The following LDLRAD4 variants were observed in gnomAD, a reference collection of about 807,000 sequenced individuals.
The protein encoded by LDLRAD4 is low-density lipoprotein receptor class A domain-containing protein 4.
LDLRAD4 carries 5 observed loss-of-function variants against 17.0 expected under a neutral mutation model. The observed-to-expected ratio is 0.29, with a 90% CI of 0.15 to 0.62. The LOEUF (loss-of-function observed/expected upper bound fraction) is 0.62, where lower values mean the gene tolerates loss of function less well. LDLRAD4 is among the 20% of genes least tolerant of loss of function. The probability of loss-of-function intolerance (pLI) is 0.84; values close to 1 mark genes in which losing one functional copy is unlikely to be tolerated. For synonymous variants in LDLRAD4, 168 were observed against 171.8 expected, an observed-to-expected ratio of 0.98 and a Z score of 0.17; for missense variants, 340 against 424.7, an observed-to-expected ratio of 0.80 and a Z score of 1.75.
At chr18:13,384,108 C>T (rs1034141633) in intron 1 of LDLRAD4, among the ~76,000 whole-genome samples, 4 of 152,156 alleles carry the variant, frequency 2.6e-5, no homozygotes, top group African/African-American at 9.7e-5. Flanking sequence ...CTATTACACA[C>T]CTGTGTCCAA....
chr18:13,225,110 A>G (rs112424833), intron 1 of LDLRAD4, among the ~76,000 whole-genome samples: 6,477 of 152,302 alleles, frequency 0.043, 295 homozygotes, highest in South Asian at 0.12. Flanking sequence ...TGCTGGGATT[A>G]CAGGTGTGAG....
chr18:13,651,751 A>C (rs2043255891), exon 6 of LDLRAD4: 1 of 152,168 alleles, frequency 6.6e-6, no homozygotes, highest in Non-Finnish European at 1.5e-5. Context: ...TGCCCATCTG[A>C]CCCATATTAT....
chr18:13,366,517 C>G (rs1323012910), intron 1 of LDLRAD4, among the ~76,000 whole-genome samples: 3 of 152,138 alleles, frequency 2.0e-5, no homozygotes, highest in Non-Finnish European at 4.4e-5. Context: ...ATTTCTCTGC[C>G]CTGAATTGAC....
intron 3 of LDLRAD4, chr18:13,611,798 G>A (rs960941831): frequency 3.0e-6 from 3 of 985,596 alleles, no homozygotes; most frequent in Non-Finnish European, 2.4e-6. Flanking sequence ...GAGCCGGGGG[G>A]AAAGGAGCGC....
At chr18:13,566,208 T>C (rs1335511915) in intron 3 of LDLRAD4, among the ~76,000 whole-genome samples, 3 of 152,052 alleles carry the variant, frequency 2.0e-5, no homozygotes, top group Non-Finnish European at 4.4e-5. Context: ...GGGGAGATAG[T>C]AGGGGAAAGG....
At chr18:13,303,786 C>T (rs2046746652) in intron 1 of LDLRAD4, among the ~76,000 whole-genome samples, 2 of 152,300 alleles carry the variant, frequency 1.3e-5, no homozygotes, top group Admixed American at 1.3e-4. Context: ...ATGGGAAGCC[C>T]ATGCATCTTT....
intron 4 of LDLRAD4, among the ~76,000 whole-genome samples, chr18:13,628,078 G>A (rs986411499): frequency 3.2e-4 from 48 of 152,250 alleles, no homozygotes; most frequent in African/African-American, 1.1e-3. Context: ...GAGGGCACAG[G>A]GAGCAGGGGT....
At chr18:13,364,935 T>C (rs2083945903) in intron 1 of LDLRAD4, among the ~76,000 whole-genome samples, 1 of 152,350 alleles carries the variant, frequency 6.6e-6, no homozygotes, top group East Asian at 1.9e-4. Context: ...GATAGTGTCC[T>C]TGTCTGTAAG....
chr18:13,549,877 A>C (rs2094412591), intron 3 of LDLRAD4, among the ~76,000 whole-genome samples: 1 of 152,142 alleles, frequency 6.6e-6, no homozygotes, highest in Non-Finnish European at 1.5e-5. Context: ...ACTAGGTTCA[A>C]ATTCAGGCAC....
chr18:13,646,069 T>G lies in LDLRAD4; in HGVS notation c.*412T>G, dbSNP rs114593035. On this transcript the variant is annotated 3_prime_UTR_variant, in exon 6 of 6. Coordinates refer to ENST00000359446, the Ensembl canonical transcript of LDLRAD4. ...TAAAGAAGGAAGCATTATTATATATTATTGTGGGGAAGAACCAGCCAGTTC... is the reference window on the plus strand; with the variant it reads ...TAAAGAAGGAAGCATTATTATATATGATTGTGGGGAAGAACCAGCCAGTTC... 1,274 of 156,530 alleles carry G rather than the reference T, an allele frequency of 8.1e-3. 22 individuals carry two copies. Among genetic ancestry groups the G allele is most frequent in the African/African-American group, 0.029 (1,225 of 41,756 alleles). The allele number at this position is 156,530 out of a possible 1,614,324, so 9.7% of individuals were successfully genotyped here.
chr18:13,544,006 G>A (rs987584909), intron 3 of LDLRAD4, among the ~76,000 whole-genome samples: 1 of 152,246 alleles, frequency 6.6e-6, no homozygotes, highest in African/African-American at 2.4e-5. Flanking sequence ...ACGTGCATAC[G>A]TGTGGACGTG....
intron 1 of LDLRAD4, among the ~76,000 whole-genome samples, chr18:13,255,716 G>T (rs1236049099): frequency 6.6e-6 from 1 of 152,142 alleles, no homozygotes; most frequent in Non-Finnish European, 1.5e-5. Context: ...TTGCAGCGTT[G>T]AGGCCCTAGG....
At chr18:13,390,682 G>A (rs1467462200) in intron 2 of LDLRAD4, among the ~76,000 whole-genome samples, 1 of 152,138 alleles carries the variant, frequency 6.6e-6, no homozygotes, top group African/African-American at 2.4e-5. Context: ...CCTGACTTGT[G>A]CCATTCCTTC....
At position 13,243,496 on chromosome 18, in the gene LDLRAD4, G is replaced by A. The variant is rs141367956; in HGVS notation, c.-467+24508G>A. Among the ~76,000 whole-genome samples the A allele has an allele frequency of 2.0e-4, 28 of 138,124 alleles. No individual in the cohort carries two copies. The South Asian group carries it at 4.6e-3, about 23-fold the overall frequency. 90.6% of individuals were successfully genotyped at this position (138,124 alleles called of 152,430 possible). A position where few individuals can be genotyped will look rare whatever the true frequency, so the allele number is the denominator to read the frequency against. ...CTTCCATCCGTGCACCTACCCACCC[G>A]TTCCTCTATCCATTCACCCACCCAT... On this transcript the variant is annotated intron_variant, in intron 1 of 5. Transcript: ENST00000399848.
At chr18:13,352,017 T>C (rs991296093) in intron 1 of LDLRAD4, among the ~76,000 whole-genome samples, 2 of 152,144 alleles carry the variant, frequency 1.3e-5, no homozygotes, top group African/African-American at 4.8e-5. Flanking sequence ...AAAAACCACA[T>C]GATCATCTCA....
Position 13,471,646 on chromosome 18 carries a change from G to A in LDLRAD4, c.181+33262G>A, listed in dbSNP as rs1006049046. ...CACTGGAGGGCTCCGTGGAGCTGGGGAGGGTGGAGGGATGACGGCCTCGGG... is the reference window on the plus strand; with the variant it reads ...CACTGGAGGGCTCCGTGGAGCTGGGAAGGGTGGAGGGATGACGGCCTCGGG... On this transcript the variant is annotated intron_variant, in intron 3 of 5. Transcript: ENST00000359446. 2.0e-5 allele frequency: 3 copies of A among 152,616 alleles called. No homozygotes were observed. The East Asian group carries it at 5.8e-4, about 29-fold the overall frequency. The allele number at this position is 152,616 out of a possible 1,614,324, so 9.5% of individuals were successfully genotyped here.
At chr18:13,551,057 C>T (rs2094429577) in intron 3 of LDLRAD4, among the ~76,000 whole-genome samples, 1 of 152,144 alleles carries the variant, frequency 6.6e-6, no homozygotes, top group Non-Finnish European at 1.5e-5. Context: ...TTCCGTGTGC[C>T]TCCCCAGCAA....
intron 1 of LDLRAD4, among the ~76,000 whole-genome samples, chr18:13,234,562 A>G (rs2042243076): frequency 6.6e-6 from 1 of 150,712 alleles, no homozygotes; most frequent in African/African-American, 2.4e-5. Context: ...GGGGCTCTGG[A>G]CTCCTCCCTT....
intron 3 of LDLRAD4, among the ~76,000 whole-genome samples, chr18:13,580,930 T>C (rs1482244197): frequency 6.6e-6 from 1 of 152,258 alleles, no homozygotes; most frequent in East Asian, 1.9e-4. Context: ...GCCAGGTTGC[T>C]GGTTGGTGGA....
Sources: gnomAD v4.1 joint callset for allele counts (sites outside exome capture counted in the v4.1 genomes callset) on GRCh38, gnomAD v4.1.1 for gene constraint, MANE v1.5 for transcripts, NCBI Gene and HGNC (gene_info 2026-07-23, HGNC 2026-07-21) for gene names.